The following NLGN1 variants were observed in gnomAD, a reference collection of about 807,000 sequenced individuals.
NLGN1 encodes the protein neuroligin 1, also known as neuroligin-1.
In NLGN1, 12 loss-of-function variants were observed where a neutral mutation model predicts 65.5. That is an observed-to-expected ratio of 0.18 (90% CI 0.12 to 0.30). NLGN1 has a LOEUF of 0.30. NLGN1 is among the 10% of genes least tolerant of loss of function. The probability of loss-of-function intolerance (pLI) is 1.00; values close to 1 mark genes in which losing one functional copy is unlikely to be tolerated. For synonymous variants in NLGN1, 350 were observed against 359.5 expected (o/e 0.97, Z 0.30); for missense variants, 750 against 1,007.1 (o/e 0.74, Z 3.46).
intron 4 of NLGN1, among the ~76,000 whole-genome samples, chr3:173,915,502 C>G (rs1205894003): frequency 6.6e-6 from 1 of 152,142 alleles, no homozygotes; most frequent in Non-Finnish European, 1.5e-5. Flanking sequence ...CAGCATTTTC[C>G]AAGAGCATTC....
intron 4 of NLGN1, among the ~76,000 whole-genome samples, chr3:174,022,910 A>C (rs1190834079): frequency 6.6e-6 from 1 of 152,152 alleles, no homozygotes; most frequent in East Asian, 1.9e-4. Flanking sequence ...ACAAAGGTTT[A>C]TTAACTTTGT....
chr3:173,604,507 A>T lies in NLGN1; in HGVS notation c.-92A>T, dbSNP rs1751053011. On this transcript the variant is annotated 5_prime_UTR_variant, in exon 3 of 7. Transcript: ENST00000457714. ...GACAAGCTCCCCTGTAAGAAATCGG[A>T]GGTATATTCTACCATTATACAGTCT... The T allele has an allele frequency of 5.2e-6, 7 of 1,341,772 alleles. No individual in the cohort carries two copies. The Admixed American group carries it at 1.0e-4, about 20-fold the overall frequency. The allele number at this position is 1,341,772 out of a possible 1,614,324, so 83.1% of individuals were successfully genotyped here. A position where few individuals can be genotyped will look rare whatever the true frequency, so the allele number is the denominator to read the frequency against.
chr3:173,988,629 G>T (rs946650406), intron 4 of NLGN1, among the ~76,000 whole-genome samples: 6 of 152,076 alleles, frequency 3.9e-5, no homozygotes, highest in African/African-American at 1.2e-4. Flanking sequence ...TATTAATAAT[G>T]CCTCCTGAAA....
At chr3:173,924,745 T>C (rs557650731) in intron 4 of NLGN1, among the ~76,000 whole-genome samples, 14 of 152,268 alleles carry the variant, frequency 9.2e-5, no homozygotes, top group Admixed American at 4.6e-4. Flanking sequence ...AATGTTAAAC[T>C]TATGAGAAGC....
chr3:173,798,998 A>C (rs1465246291), intron 3 of NLGN1, among the ~76,000 whole-genome samples: 2 of 152,004 alleles, frequency 1.3e-5, no homozygotes, highest in Non-Finnish European at 2.9e-5. Flanking sequence ...CTCGGAAAAG[A>C]CTTAGAAATT....
chr3:173,814,822 A>G (rs933573727), intron 4 of NLGN1, among the ~76,000 whole-genome samples: 3 of 152,160 alleles, frequency 2.0e-5, no homozygotes, highest in Non-Finnish European at 4.4e-5. Flanking sequence ...TAAACAAATC[A>G]TATAGTTTAC....
chr3:173,872,953 G>A (rs141359393), intron 4 of NLGN1, among the ~76,000 whole-genome samples: 326 of 152,098 alleles, frequency 2.1e-3, no homozygotes, highest in Non-Finnish European at 1.9e-3. Context: ...GATGTGAAAC[G>A]ATCTTAGAGT....
At chr3:173,809,822 TAA>T (rs2150462889) in intron 4 of NLGN1, among the ~76,000 whole-genome samples, 1 of 152,356 alleles carries the variant, frequency 6.6e-6, no homozygotes, top group East Asian at 1.9e-4. Flanking sequence ...ATTAACTCGC[TAA>T]AATATAAAGC....
chr3:173,564,421 A>ACTAACTC, intron 2 of NLGN1, among the ~76,000 whole-genome samples: 2 of 152,262 alleles, frequency 1.3e-5, no homozygotes, highest in African/African-American at 4.8e-5. Context: ...CTAACTGTGT[A>ACTAACTC]AAACATTATG....
chr3:173,770,161 T>G (rs1488562781), intron 3 of NLGN1, among the ~76,000 whole-genome samples: 1 of 152,220 alleles, frequency 6.6e-6, no homozygotes, highest in African/African-American at 2.4e-5. Context: ...AACTTTTGCT[T>G]ATTCATTTAT....
At chr3:173,456,383 C>T (rs996167528) in intron 2 of NLGN1, among the ~76,000 whole-genome samples, 4 of 152,072 alleles carry the variant, frequency 2.6e-5, no homozygotes, top group Non-Finnish European at 4.4e-5. Context: ...GACTGAGGCT[C>T]AGATTCTACT....
intron 4 of NLGN1, among the ~76,000 whole-genome samples, chr3:173,994,168 C>T (rs755517181): frequency 6.6e-6 from 1 of 151,866 alleles, no homozygotes; most frequent in African/African-American, 2.4e-5. Flanking sequence ...AGTGCAGTGG[C>T]GTGATCACAA....
intron 2 of NLGN1, among the ~76,000 whole-genome samples, chr3:173,571,989 G>T (rs1374341354): frequency 6.6e-6 from 1 of 152,152 alleles, no homozygotes; most frequent in East Asian, 1.9e-4. Context: ...TGAGGAAAAA[G>T]AATAATTTTT....
intron 2 of NLGN1, among the ~76,000 whole-genome samples, chr3:173,496,247 G>T (rs1730007934): frequency 6.6e-6 from 1 of 151,564 alleles, no homozygotes; most frequent in African/African-American, 2.4e-5. Flanking sequence ...TGCCATCATG[G>T]GCTCTTAAGT....
At chr3:173,968,052 T>C (rs1338309239) in intron 4 of NLGN1, among the ~76,000 whole-genome samples, 1 of 152,178 alleles carries the variant, frequency 6.6e-6, no homozygotes, top group Admixed American at 6.5e-5. Context: ...TTTTGAACTT[T>C]ATCTCTGAAA....
At chr3:173,554,418 C>T (rs895806996) in intron 2 of NLGN1, among the ~76,000 whole-genome samples, 11 of 152,146 alleles carry the variant, frequency 7.2e-5, no homozygotes, top group African/African-American at 2.7e-4. Flanking sequence ...TTTCCATCAT[C>T]CCCAAATGAA....
In NLGN1 at chr3:173,859,036, G is replaced by A. The variant is rs115641383; in HGVS notation, c.646+51204G>A. Among the ~76,000 whole-genome samples, 387 of 151,946 alleles carry A rather than the reference G, an allele frequency of 2.5e-3. 2 individuals carry two copies. Among genetic ancestry groups the A allele is most frequent in the African/African-American group, 8.7e-3 (362 of 41,484 alleles). ...TTTCTCTCTGTATTAAAATATCTGCGTTTAATACCCTACTTCAATATAGTT... is the reference window on the plus strand; with the variant it reads ...TTTCTCTCTGTATTAAAATATCTGCATTTAATACCCTACTTCAATATAGTT... On this transcript the variant is annotated intron_variant, in intron 4 of 6. Transcript: ENST00000457714.
intron 4 of NLGN1, among the ~76,000 whole-genome samples, chr3:173,985,701 G>A (rs930006761): frequency 6.6e-6 from 1 of 152,130 alleles, no homozygotes; most frequent in South Asian, 2.1e-4. Flanking sequence ...TGTAATCCCA[G>A]CACTTTGGGA....
At chr3:174,039,025 G>A (rs1731716096) in intron 4 of NLGN1, among the ~76,000 whole-genome samples, 1 of 152,132 alleles carries the variant, frequency 6.6e-6, no homozygotes, top group Non-Finnish European at 1.5e-5. Flanking sequence ...ATAGACATGA[G>A]CATCAAAAAT....
Sources: allele counts gnomAD v4.1 joint callset (sites outside exome capture counted in the v4.1 genomes callset), GRCh38; gene constraint gnomAD v4.1.1; transcripts MANE v1.5; gene names NCBI Gene and HGNC (gene_info 2026-07-23, HGNC 2026-07-21).